The following CCDC3 variants were observed in gnomAD, a reference collection of about 807,000 sequenced individuals.
CCDC3 encodes the protein coiled-coil domain containing 3.
A neutral mutation model predicts 21.4 loss-of-function variants in CCDC3; 24 were observed. That is an observed-to-expected ratio of 1.12 (90% CI 0.81 to 1.58). The LOEUF is 1.58. Ranked by LOEUF, CCDC3 falls within the 40% of genes most tolerant of loss-of-function variation. CCDC3 has a pLI of 0.00. For synonymous variants in CCDC3, 186 were observed against 166.0 expected (o/e 1.12, Z -0.93); for missense variants, 425 against 360.9 (o/e 1.18, Z -1.44).
At chr10:13,086,542 C>T (rs1036273237) in intron 3 of CCDC3, among the ~76,000 whole-genome samples, 52 of 152,098 alleles carry the variant, frequency 3.4e-4, no homozygotes, top group Non-Finnish European at 8.8e-5. Flanking sequence ...CCGCAACCTC[C>T]GCCTCCCGGT....
intron 2 of CCDC3, among the ~76,000 whole-genome samples, chr10:12,973,991 T>C (rs1185371389): frequency 1.3e-5 from 2 of 152,228 alleles, no homozygotes; most frequent in African/African-American, 4.8e-5. Flanking sequence ...ATGGCACCTA[T>C]GGTTGTGAAG....
chr10:13,006,738 C>T (rs1199128104), intron 5 of CCDC3, among the ~76,000 whole-genome samples: 1 of 152,126 alleles, frequency 6.6e-6, no homozygotes, highest in Non-Finnish European at 1.5e-5. Flanking sequence ...GTGCAGGGTC[C>T]TTCCTCAAGG....
chr10:12,913,695 G>T (rs1834305360), intron 2 of CCDC3, among the ~76,000 whole-genome samples: 1 of 152,240 alleles, frequency 6.6e-6, no homozygotes, highest in African/African-American at 2.4e-5. Flanking sequence ...ATTCACCACG[G>T]AGTATGATGT....
At chr10:12,913,851 T>G (rs931782244) in intron 2 of CCDC3, among the ~76,000 whole-genome samples, 2 of 152,214 alleles carry the variant, frequency 1.3e-5, no homozygotes, top group African/African-American at 4.8e-5. Context: ...CATAAGGTTT[T>G]TGTCCTTCAT....
chr10:13,056,958 C>T (rs1040380073), intron 4 of CCDC3, among the ~76,000 whole-genome samples: 13 of 152,152 alleles, frequency 8.5e-5, no homozygotes, highest in African/African-American at 3.1e-4. Flanking sequence ...TCCTAGGCCC[C>T]ACTTTGCCAT....
At chr10:12,984,376 G>A (rs955000061) in intron 2 of CCDC3, among the ~76,000 whole-genome samples, 2 of 152,284 alleles carry the variant, frequency 1.3e-5, no homozygotes, top group Non-Finnish European at 1.5e-5. Context: ...GTCCCACTAG[G>A]ATGACTAAAA....
chr10:13,007,101 C>T (rs1835933375), intron 5 of CCDC3, among the ~76,000 whole-genome samples: 1 of 152,146 alleles, frequency 6.6e-6, no homozygotes, highest in South Asian at 2.1e-4. Flanking sequence ...AGAGTCATAA[C>T]TTTTCTAGAA....
At chr10:13,083,318 C>T (rs951356756) in intron 3 of CCDC3, among the ~76,000 whole-genome samples, 2 of 152,120 alleles carry the variant, frequency 1.3e-5, no homozygotes, top group Non-Finnish European at 2.9e-5. Context: ...AGCAAAATAG[C>T]TAGAACAAGA....
intron 3 of CCDC3, among the ~76,000 whole-genome samples, chr10:13,092,789 G>C (rs776780550): frequency 4.6e-5 from 7 of 152,208 alleles, no homozygotes; most frequent in Non-Finnish European, 8.8e-5. Context: ...GATCTGATGA[G>C]ACCAGCCGCC....
At chr10:12,975,479 A>T (rs548515647) in intron 2 of CCDC3, among the ~76,000 whole-genome samples, 1 of 152,278 alleles carries the variant, frequency 6.6e-6, no homozygotes, top group South Asian at 2.1e-4. Flanking sequence ...CCACTAACTC[A>T]ACTCACCCCT....
upstream of CCDC3, among the ~76,000 whole-genome samples, chr10:13,002,031 G>GC (rs1835865774): frequency 6.6e-6 from 1 of 152,220 alleles, no homozygotes; most frequent in Admixed American, 6.5e-5. Flanking sequence ...CACGATTACT[G>GC]CCTAAGTTTT....
intron 5 of CCDC3, among the ~76,000 whole-genome samples, chr10:13,032,448 T>C (rs1207226483): frequency 6.6e-6 from 1 of 152,184 alleles, no homozygotes; most frequent in Non-Finnish European, 1.5e-5. Context: ...GGATGCCCTC[T>C]CTCACTACTC....
intron 2 of CCDC3, among the ~76,000 whole-genome samples, chr10:12,985,724 A>G (rs953368127): frequency 6.6e-6 from 1 of 152,204 alleles, no homozygotes; most frequent in Non-Finnish European, 1.5e-5. Context: ...AGATATGGAG[A>G]AAAGATTAAG....
chr10:12,913,404 ATAC>A (rs1292030268), intron 2 of CCDC3, among the ~76,000 whole-genome samples: 1 of 152,224 alleles, frequency 6.6e-6, no homozygotes, highest in Non-Finnish European at 1.5e-5. Flanking sequence ...GTGCATAGAA[ATAC>A]TACTGATTTT....
At chr10:13,036,516 G>A (rs1473963005) in intron 5 of CCDC3, among the ~76,000 whole-genome samples, 1 of 152,058 alleles carries the variant, frequency 6.6e-6, no homozygotes, top group Non-Finnish European at 1.5e-5. Context: ...ATGGAGTCTC[G>A]CTCTGTGGTC....
At chr10:12,999,619 T>C (rs1315394282) in intron 1 of CCDC3, among the ~76,000 whole-genome samples, 1 of 152,248 alleles carries the variant, frequency 6.6e-6, no homozygotes, top group East Asian at 1.9e-4. Flanking sequence ...AATGAAAATG[T>C]CAGACTACTG....
intron 5 of CCDC3, among the ~76,000 whole-genome samples, chr10:13,020,055 A>G (rs182984803): frequency 6.6e-6 from 1 of 152,348 alleles, no homozygotes; most frequent in East Asian, 1.9e-4. Flanking sequence ...TTATGAATTT[A>G]CAAATAAACT....
chr10:12,907,112 CT>C (rs1834185110), intron 2 of CCDC3, among the ~76,000 whole-genome samples: 1 of 152,184 alleles, frequency 6.6e-6, no homozygotes, highest in Non-Finnish European at 1.5e-5. Context: ...TAACTGTTGG[CT>C]AGCCTGACTC....
intron 1 of CCDC3, among the ~76,000 whole-genome samples, chr10:12,999,774 C>T (rs765466504): frequency 6.6e-6 from 1 of 152,152 alleles, no homozygotes; most frequent in Non-Finnish European, 1.5e-5. Flanking sequence ...GGCTCTTTTT[C>T]CTTTGGAGAA....
Sources: gnomAD v4.1 joint callset for allele counts (sites outside exome capture counted in the v4.1 genomes callset) on GRCh38, gnomAD v4.1.1 for gene constraint, MANE v1.5 for transcripts, NCBI Gene and HGNC (gene_info 2026-07-23, HGNC 2026-07-21) for gene names.